Variants in PER3 observed in about 807,000 individuals in gnomAD.
PER3 encodes the protein period circadian protein homolog 3.
Under a neutral mutation model 127.2 loss-of-function variants are expected in PER3, and 107 were observed. The observed-to-expected ratio is 0.84, with a 90% CI of 0.72 to 0.99. The LOEUF (loss-of-function observed/expected upper bound fraction) is 0.99, where lower values mean the gene tolerates loss of function less well. Ranked by LOEUF, PER3 falls within the 50% of genes least tolerant of loss-of-function variation. The pLI is 0.00. For missense variants in PER3, 1,560 were observed against 1,525.8 expected (o/e 1.02, Z -0.37); for synonymous variants, 618 against 585.8 (o/e 1.05, Z -0.79).
At position 7,803,109 on chromosome 1, in the gene PER3, T is replaced by G; in HGVS notation, c.935T>G (p.Leu312Arg). The change falls in exon 9 of 22, where the codon CTG becomes CGG. Residue 312 changes from leucine (L) to arginine (R), a missense_variant. By Grantham distance (102) the Leu-to-Arg change is moderately radical. This residue lies in a region of PER3 where 1,332 missense variants were observed against 1,223.6 expected (regional missense o/e 1.09). Transcript: ENST00000377532. ...DLIGTSILSYLHPEDRSLMVA... is the reference protein window; with the variant it reads ...DLIGTSILSYRHPEDRSLMVA... ...ATTGGAACATCGATCCTAAGCTACCTGCACCCTGAAGATCGTTCTCTGATG... is the reference window on the plus strand; with the variant it reads ...ATTGGAACATCGATCCTAAGCTACCGGCACCCTGAAGATCGTTCTCTGATG... 2 of 1,613,608 alleles carry G rather than the reference T, an allele frequency of 1.2e-6. No homozygotes were observed. Among genetic ancestry groups the G allele is most frequent in the Non-Finnish European group, 1.7e-6 (2 of 1,179,524 alleles).
At chr1:7,789,219 A>G (rs2097107507) in intron 5 of PER3, among the ~76,000 whole-genome samples, 1 of 151,816 alleles carries the variant, frequency 6.6e-6, no homozygotes, top group South Asian at 2.1e-4. Context: ...ATTGTAGTAA[A>G]AAACACATAC....
In PER3 at chr1:7,784,725, C is replaced by A; in HGVS notation, c.-153C>A. 1 of 711,480 alleles carries A rather than the reference C, an allele frequency of 1.4e-6. No individual in the cohort carries two copies. Among genetic ancestry groups the A allele is most frequent in the Non-Finnish European group, 2.1e-6 (1 of 481,410 alleles). The allele number at this position is 711,480 out of a possible 1,614,324, so 44.1% of individuals were successfully genotyped here. A position where few individuals can be genotyped will look rare whatever the true frequency, so the allele number is the denominator to read the frequency against. On this transcript the variant is annotated 5_prime_UTR_variant, in exon 2 of 22. Coordinates refer to ENST00000377532, the MANE Select transcript of PER3 (RefSeq NM_001377275.1). ...GAGGGAAAAGCTCCTCGGAGATGAG[C>A]GTGACCCCCTGGCTCGTGGTGGCCG...
chr1:7,800,841 A>AAAAAAAG (rs1553306864), intron 7 of PER3, among the ~76,000 whole-genome samples: 2 of 148,766 alleles, frequency 1.3e-5, no homozygotes, highest in Non-Finnish European at 3.0e-5. Context: ...AAAAAAAAAA[A>AAAAAAAG]AGAGAGAAAA....
rs1362566406 is a variant in PER3 at position 7,784,668 on chromosome 1, A to T, written c.-210A>T. Reference sequence around the variant, plus strand: ...CCTCCCCCTAGGCCGGAGTCCTGAAAGTCGAGCGAGCTCCGGGTTTTGAAA... The same window carrying T: ...CCTCCCCCTAGGCCGGAGTCCTGAATGTCGAGCGAGCTCCGGGTTTTGAAA... On this transcript the variant is annotated 5_prime_UTR_variant, in exon 2 of 22. It adds an upstream start codon to the 5' untranslated region. Transcript: ENST00000377532. 4.2e-6 allele frequency: 2 copies of T among 476,234 alleles called. No individual in the cohort carries two copies. The highest frequency in any genetic ancestry group is 7.3e-5 in the East Asian group (2 of 27,442). The allele number at this position is 476,234 out of a possible 1,614,324, so 29.5% of individuals were successfully genotyped here.
At position 7,786,731 on chromosome 1, in the gene PER3, G is replaced by A. The variant is rs1290247604; in HGVS notation, c.285G>A (p.Glu95=). 18 of 1,594,878 alleles carry A rather than the reference G, an allele frequency of 1.1e-5. No homozygotes were observed. The highest frequency in any genetic ancestry group is 1.5e-5 in the Non-Finnish European group (17 of 1,162,430). The change falls in exon 4 of 22, where the codon GAG becomes GAA. Residue 95 remains glutamate (E), a synonymous_variant. Coordinates refer to ENST00000377532, the MANE Select transcript of PER3 (RefSeq NM_001377275.1). ...RCVHSVQANS[E]FFQILSQNGA... is the part of the protein sequence containing the mutation. ...CCCTGTGTTTCTTAGCAAACAGTGA[G>A]TTTTTCCAGATTCTCAGTCAGAATG...
intron 19 of PER3, among the ~76,000 whole-genome samples, chr1:7,832,695 C>T (rs1057164409): frequency 1.5e-5 from 2 of 135,428 alleles, no homozygotes; most frequent in Non-Finnish European, 3.1e-5. Flanking sequence ...TTTATTACTT[C>T]TTTTCTCTTT....
intron 21 of PER3, 77 bp downstream of exon 21, chr1:7,837,226 G>A: frequency 2.4e-6 from 3 of 1,242,712 alleles, no homozygotes; most frequent in Non-Finnish European, 3.4e-6. Flanking sequence ...TCGTGTTCTT[G>A]CATGATCCCA....
chr1:7,841,980 A>G (rs190929260), intron 21 of PER3, among the ~76,000 whole-genome samples: 3 of 152,304 alleles, frequency 2.0e-5, no homozygotes, highest in East Asian at 1.9e-4. Context: ...CCTAGGCCCT[A>G]TGGGACAGCC....
At chr1:7,842,528 A>G (rs2097396271) in intron 21 of PER3, 144 bp from the exon 22 acceptor site, 1 of 760,422 alleles carries the variant, frequency 1.3e-6, no homozygotes, top group South Asian at 4.9e-5. Context: ...AGTTATAATA[A>G]TAATAAAGAA....
chr1:7,803,233 C>A, intron 9 of PER3, 80 bp downstream of exon 9: 1 of 856,784 alleles, frequency 1.2e-6, no homozygotes, highest in Non-Finnish European at 2.0e-6. Flanking sequence ...CTCATTAGAG[C>A]GCAACCTTTA....
At chr1:7,794,840 G>A (rs1577667756) in intron 6 of PER3, among the ~76,000 whole-genome samples, 1 of 150,458 alleles carries the variant, frequency 6.6e-6, no homozygotes, top group Non-Finnish European at 1.5e-5. Flanking sequence ...TATTATTAGT[G>A]TTCCTTTTAT....
At position 7,843,891 on chromosome 1, in the gene PER3, C is replaced by A; in HGVS notation, c.*1136C>A. On this transcript the variant is annotated 3_prime_UTR_variant, in exon 22 of 22. Transcript: ENST00000377532. Reference sequence around the variant, plus strand: ...TGATAAATCAGCTCACTCTCTGGTGCTTTTTAGAGAAGTCCCTGATTCCTT... The same window carrying A: ...TGATAAATCAGCTCACTCTCTGGTGATTTTTAGAGAAGTCCCTGATTCCTT... The A allele has an allele frequency of 1.6e-6, 2 of 1,259,692 alleles. No individual in the cohort carries two copies. The highest frequency in any genetic ancestry group is 1.4e-5 in the South Asian group (1 of 72,896). 78.0% of individuals were successfully genotyped at this position (1,259,692 alleles called of 1,614,324 possible).
intron 21 of PER3, among the ~76,000 whole-genome samples, chr1:7,841,764 A>G (rs541154508): frequency 2.0e-5 from 3 of 152,232 alleles, no homozygotes; most frequent in Admixed American, 6.5e-5. Context: ...TCTCACCAAA[A>G]AGCAGGAGCT....
chr1:7,788,199 A>G lies in PER3; in HGVS notation c.545A>G (p.His182Arg). The G allele has an allele frequency of 6.2e-7, 1 of 1,614,130 alleles. No homozygotes were observed. Among genetic ancestry groups the G allele is most frequent in the Non-Finnish European group, 8.5e-7 (1 of 1,179,998 alleles). The change falls in exon 5 of 22, where the codon CAC (histidine) becomes CGC (arginine). Residue 182 changes from histidine (H) to arginine (R), a missense_variant. By Grantham distance (29) the His-to-Arg change is conservative. Coordinates refer to ENST00000377532, the MANE Select transcript of PER3 (RefSeq NM_001377275.1). ...APQDMRVFYAHTARAQLPFWN... is the reference protein window; with the variant it reads ...APQDMRVFYARTARAQLPFWN... The stretch of plus-strand genomic sequence containing the variant: ...CAAGACATGAGGGTATTCTACGCGC[A>G]CACTGCCAGAGCTCAGCTTCCTTTC...
In PER3 at chr1:7,820,587, T is replaced by A; in HGVS notation, c.1904T>A (p.Ile635Lys). 6.2e-7 allele frequency: 1 copy of A among 1,614,206 alleles called. No individual in the cohort carries two copies. ...GCGATGCTGAGCTTGGGGTCGGGCATAAGCCAATGCGGTTACAGCAGCACC... is the reference window on the plus strand; with the variant it reads ...GCGATGCTGAGCTTGGGGTCGGGCAAAAGCCAATGCGGTTACAGCAGCACC... ...STAMLSLGSG[I>K]SQCGYSSTIV... is the part of the protein sequence containing the mutation. The change falls in exon 16 of 22, where the codon ATA becomes AAA. Residue 635 changes from isoleucine (I) to lysine (K), a missense_variant. Coordinates refer to ENST00000377532, the MANE Select transcript of PER3 (RefSeq NM_001377275.1).
chr1:7,784,464 C>T (rs1369058637), intron 1 of PER3, 88 bp downstream of exon 1: 2 of 154,638 alleles, frequency 1.3e-5, no homozygotes, highest in African/African-American at 2.4e-5. Flanking sequence ...CGAGCCCTGC[C>T]CTCGGTACTG....
At chr1:7,834,568 A>G (rs774130886) in intron 19 of PER3, among the ~76,000 whole-genome samples, 5 of 151,824 alleles carry the variant, frequency 3.3e-5, no homozygotes, top group African/African-American at 4.8e-5. Context: ...CAATCCTCCA[A>G]CCTTAGCCTC....
rs957116794 is a variant in PER3, at chr1:7,843,246, T to A, written c.*491T>A. ...TCATTCAACCTGGCGTTCCCCTCCA[T>A]AATTAAGATGAAACATTCCGGTTTT... On this transcript the variant is annotated 3_prime_UTR_variant, in exon 22 of 22. Coordinates refer to ENST00000377532, the MANE Select transcript of PER3 (RefSeq NM_001377275.1). The A allele has an allele frequency of 2.6e-5, 4 of 153,024 alleles. No individual in the cohort carries two copies. Among genetic ancestry groups the A allele is most frequent in the African/African-American group, 9.7e-5 (4 of 41,450 alleles). The allele number at this position is 153,024 out of a possible 1,614,324, so 9.5% of individuals were successfully genotyped here. A position where few individuals can be genotyped will look rare whatever the true frequency, so the allele number is the denominator to read the frequency against.
Position 7,788,254 on chromosome 1 carries a change from G to T in PER3, c.592+8G>T. 6.3e-7 allele frequency: 1 copy of T among 1,594,648 alleles called. No individual in the cohort carries two copies. The highest frequency in any genetic ancestry group is 8.6e-7 in the Non-Finnish European group (1 of 1,162,284). On this transcript the variant is annotated splice_region_variant and intron_variant, in intron 5 of 21. Coordinates refer to ENST00000377532, the MANE Select transcript of PER3 (RefSeq NM_001377275.1). ...ACAACTGGACCCAAAGAGGTAACAG[G>T]ACCAATGTTCAGATGTCTATCTTTC...
Sources: allele counts gnomAD v4.1 joint callset (sites outside exome capture counted in the v4.1 genomes callset), GRCh38; gene constraint gnomAD v4.1.1; regional missense constraint gnomAD v4.1.1; transcripts MANE v1.5; gene names NCBI Gene and HGNC (gene_info 2026-07-23, HGNC 2026-07-21).